PDZD2: variants seen among roughly 807,000 people sequenced by gnomAD.
PDZD2 encodes PDZ domain containing 2.
In PDZD2, 90 loss-of-function variants were observed where a neutral mutation model predicts 220.7. The observed-to-expected ratio is 0.41, with a 90% CI of 0.34 to 0.49. The LOEUF is 0.49. Among genes scored for constraint, PDZD2 ranks in the 20% least tolerant of loss-of-function variants. The pLI is 0.28. For missense variants in PDZD2, 3,174 were observed against 3,608.5 expected (o/e 0.88, Z 3.08); for synonymous variants, 1,375 against 1,450.5 (o/e 0.95, Z 1.18).
intron 19 of PDZD2, among the ~76,000 whole-genome samples, chr5:32,082,025 GTT>G (rs35433686): frequency 2.3e-5 from 3 of 132,172 alleles, no homozygotes; most frequent in African/African-American, 2.8e-5. Context: ...GCATATCTTT[GTT>G]TTTTTTTTTT....
intron 6 of PDZD2, among the ~76,000 whole-genome samples, chr5:32,031,513 A>G (rs181910036): frequency 2.6e-5 from 4 of 152,292 alleles, no homozygotes; most frequent in Non-Finnish European, 5.9e-5. Context: ...TAATTTTATT[A>G]AAGGGCTTTT....
At chr5:31,874,530 G>T (rs985401669) in intron 2 of PDZD2, among the ~76,000 whole-genome samples, 1 of 152,140 alleles carries the variant, frequency 6.6e-6, no homozygotes, top group Non-Finnish European at 1.5e-5. Flanking sequence ...GGAGGCCAGG[G>T]CAGGTGGATC....
At chr5:31,995,311 A>C (rs1751538472) in intron 3 of PDZD2, among the ~76,000 whole-genome samples, 1 of 152,198 alleles carries the variant, frequency 6.6e-6, no homozygotes, top group South Asian at 2.1e-4. Flanking sequence ...GCCACATCGC[A>C]AGCACTCAAT....
At chr5:31,877,605 TGGTATCCCTAATGCAGGTCAAA>T (rs1385372137) in intron 2 of PDZD2, among the ~76,000 whole-genome samples, 1 of 152,234 alleles carries the variant, frequency 6.6e-6, no homozygotes, top group Non-Finnish European at 1.5e-5. Context: ...AGGTCACGCC[TGGTATCCCTAATGCAGGTCAAA>T]AGGAAAATTG....
intron 1 of PDZD2, among the ~76,000 whole-genome samples, chr5:31,684,305 G>A (rs253908): frequency 0.44 from 67,602 of 151,942 alleles, 15,910 homozygotes; most frequent in East Asian, 0.72. Context: ...GATTGATGGT[G>A]CCATCATCTA....
chr5:31,756,929 A>G (rs1042761932), intron 1 of PDZD2, among the ~76,000 whole-genome samples: 1 of 152,226 alleles, frequency 6.6e-6, no homozygotes, highest in Non-Finnish European at 1.5e-5. Flanking sequence ...AAACACCACT[A>G]TATACATTTT....
At chr5:31,869,616 CTT>C in intron 2 of PDZD2, among the ~76,000 whole-genome samples, 1 of 152,112 alleles carries the variant, frequency 6.6e-6, no homozygotes, top group East Asian at 1.9e-4. Context: ...CGATGAGCAC[CTT>C]TTATAGCTTG....
chr5:31,907,331 G>A (rs1742746020), intron 2 of PDZD2, among the ~76,000 whole-genome samples: 1 of 152,218 alleles, frequency 6.6e-6, no homozygotes, highest in Admixed American at 6.5e-5. Context: ...AAGCAAGGAA[G>A]CAAGCTGTCT....
At position 32,087,331 on chromosome 5, in the gene PDZD2, A is replaced by G. The variant is rs531592405; in HGVS notation, c.3883A>G (p.Lys1295Glu). ...TGAGGGCAGCCCCTCCCCGGGGGAG[A>G]AAGCAGCGGCTCCCCCTGACTACAG... Reference protein sequence around the residue: ...PHEGSPSPGEKAAAPPDYSKT... With the variant: ...PHEGSPSPGEEAAAPPDYSKT... Residue 1295 changes from lysine (K) to glutamate (E), a missense_variant, in exon 20 of 25, where the codon AAA becomes GAA. Lys to Glu is a moderately conservative substitution (Grantham distance 56, BLOSUM62 1). Transcript: ENST00000438447. This position sits in a 1 kb window ranked among gnomAD's most constrained non-coding sequence, Gnocchi z 4.0. 1 of 1,613,978 alleles carries G rather than the reference A, an allele frequency of 6.2e-7. No homozygotes were observed. Among genetic ancestry groups the G allele is most frequent in the South Asian group, 1.1e-5 (1 of 91,070 alleles).
chr5:31,725,546 T>A, intron 1 of PDZD2: 1 of 1,438,976 alleles, frequency 6.9e-7, no homozygotes, highest in Non-Finnish European at 9.5e-7. Flanking sequence ...CCACTGGACT[T>A]AGGACTAGTC....
intron 2 of PDZD2, among the ~76,000 whole-genome samples, chr5:31,802,743 AC>A (rs1754467036): frequency 6.6e-6 from 1 of 151,884 alleles, no homozygotes; most frequent in Non-Finnish European, 1.5e-5. Flanking sequence ...ACATGGTGAA[AC>A]CCCGTGTCTA....
rs925203406 is a variant in PDZD2, at chr5:31,820,917, AT to A, written c.476+21204del. Among the ~76,000 whole-genome samples the A allele has an allele frequency of 3.5e-3, 512 of 147,478 alleles. 2 individuals carry two copies. The highest frequency in any genetic ancestry group is 0.028 in the Middle Eastern group (8 of 282). On this transcript the variant is annotated intron_variant, in intron 2 of 24. Transcript: ENST00000438447. The stretch of plus-strand genomic sequence containing the variant: ...CAGGAAGTTTGGCCATTTTGCCCTA[AT>A]TTTTTTTTTTCTATTTTATTTTACT...
At chr5:31,851,184 A>G (rs1758037538) in intron 2 of PDZD2, among the ~76,000 whole-genome samples, 1 of 152,068 alleles carries the variant, frequency 6.6e-6, no homozygotes, top group Admixed American at 6.6e-5. Flanking sequence ...GTGTCTCCAC[A>G]TCTTCCTTAA....
chr5:31,969,152 C>T (rs1287124910), intron 2 of PDZD2, among the ~76,000 whole-genome samples: 1 of 151,982 alleles, frequency 6.6e-6, no homozygotes, highest in East Asian at 1.9e-4. Flanking sequence ...TGAGATCTGT[C>T]TCTTCAGGGT....
chr5:31,864,504 TCTGAATTTGAATTGCATC>T (rs1738008887), intron 2 of PDZD2, among the ~76,000 whole-genome samples: 1 of 152,154 alleles, frequency 6.6e-6, no homozygotes, highest in African/African-American at 2.4e-5. Flanking sequence ...GTTTACTACA[TCTGAATTTGAATTGCATC>T]CTTTTTTTTT....
At chr5:31,721,038 C>T (rs1748759601) in intron 1 of PDZD2, among the ~76,000 whole-genome samples, 1 of 152,146 alleles carries the variant, frequency 6.6e-6, no homozygotes, top group South Asian at 2.1e-4. Context: ...TTGGAGTGCG[C>T]TGCTTCCTAT....
At chr5:31,673,706 C>T (rs1233445241) in intron 1 of PDZD2, among the ~76,000 whole-genome samples, 1 of 152,148 alleles carries the variant, frequency 6.6e-6, no homozygotes, top group Non-Finnish European at 1.5e-5. Flanking sequence ...TGCAGTGGCT[C>T]ACACCTGTAA....
chr5:31,816,792 A>G (rs1288242826), intron 2 of PDZD2, among the ~76,000 whole-genome samples: 1 of 152,228 alleles, frequency 6.6e-6, no homozygotes, highest in East Asian at 1.9e-4. Context: ...GAAAATGACT[A>G]TTATGATTGA....
At chr5:31,643,120 AG>A (rs1230261550) in intron 1 of PDZD2, among the ~76,000 whole-genome samples, 1 of 152,174 alleles carries the variant, frequency 6.6e-6, no homozygotes, top group Non-Finnish European at 1.5e-5. Context: ...TGTGTTTGGA[AG>A]GCCCTCCATG....
Sources: allele counts gnomAD v4.1 joint callset (sites outside exome capture counted in the v4.1 genomes callset), GRCh38; gene constraint gnomAD v4.1.1; non-coding constraint Gnocchi (gnomAD v3.1); transcripts MANE v1.5; gene names NCBI Gene and HGNC (gene_info 2026-07-23, HGNC 2026-07-21).